The following PTPRQ variants were observed in gnomAD, a reference collection of about 807,000 sequenced individuals.
The protein encoded by PTPRQ is protein tyrosine phosphatase receptor type Q.
In PTPRQ, 199 loss-of-function variants were observed where a neutral mutation model predicts 246.0. That is an observed-to-expected ratio of 0.81 (90% confidence interval 0.72 to 0.91). The LOEUF (loss-of-function observed/expected upper bound fraction) is 0.91, where lower values mean the gene tolerates loss of function less well. Ranked by LOEUF, PTPRQ falls within the 40% of genes least tolerant of loss-of-function variation. The pLI is 0.00. For missense variants in PTPRQ, 2,624 were observed against 2,528.4 expected, an observed-to-expected ratio of 1.04 and a Z score of -0.81; for synonymous variants, 869 against 853.2, an observed-to-expected ratio of 1.02 and a Z score of -0.32.
At chr12:80,648,624 G>A (rs1407707526) in intron 35 of PTPRQ, among the ~76,000 whole-genome samples, 3 of 151,896 alleles carry the variant, frequency 2.0e-5, no homozygotes, top group Non-Finnish European at 2.9e-5. Context: ...TATCCTAAAT[G>A]CCTAACATTT....
chr12:80,521,682 G>A (rs1284973764), intron 17 of PTPRQ, among the ~76,000 whole-genome samples: 2 of 152,116 alleles, frequency 1.3e-5, no homozygotes, highest in African/African-American at 2.4e-5. Flanking sequence ...TAGATATGAG[G>A]CGTTATTTCT....
chr12:80,630,211 AT>A (rs1899372115), intron 33 of PTPRQ, among the ~76,000 whole-genome samples: 2 of 151,908 alleles, frequency 1.3e-5, no homozygotes, highest in African/African-American at 2.4e-5. Flanking sequence ...TTCTTCTATT[AT>A]TTTTTTAAAG....
chr12:80,654,675 C>A (rs1159049887), intron 38 of PTPRQ, among the ~76,000 whole-genome samples: 1 of 148,784 alleles, frequency 6.7e-6, no homozygotes, highest in Non-Finnish European at 1.5e-5. Flanking sequence ...TGGTGAAACC[C>A]CATCTGTACT....
At chr12:80,543,867 G>A (rs912025116) in intron 23 of PTPRQ, among the ~76,000 whole-genome samples, 8 of 152,126 alleles carry the variant, frequency 5.3e-5, no homozygotes, top group Admixed American at 4.6e-4. Context: ...ATGACATGAA[G>A]CCTCTTGCCC....
chr12:80,526,080 A>G (rs755999693), intron 17 of PTPRQ: 3 of 152,148 alleles, frequency 2.0e-5, no homozygotes, highest in South Asian at 2.1e-4. Flanking sequence ...TGGTCAATCA[A>G]TTTTAATTTA....
At chr12:80,628,732 T>G (rs61365702) in intron 33 of PTPRQ, among the ~76,000 whole-genome samples, 7,820 of 152,168 alleles carry the variant, frequency 0.051, 392 homozygotes, top group African/African-American at 0.13. Flanking sequence ...GCTTACATTC[T>G]GGAGGAAAGG....
chr12:80,462,094 G>A (rs1403600946), intron 6 of PTPRQ: 3 of 611,898 alleles, frequency 4.9e-6, no homozygotes, highest in Admixed American at 2.8e-5. Flanking sequence ...AGGGGTCAGG[G>A]AGTTCCCTTT....
chr12:80,620,350 A>G lies in PTPRQ; in HGVS notation c.5586A>G (p.Gly1862=). 1 of 1,549,132 alleles carries G rather than the reference A, an allele frequency of 6.5e-7. No homozygotes were observed. The highest frequency in any genetic ancestry group is 8.7e-7 in the Non-Finnish European group (1 of 1,145,294). ...IPGNEDKICN[G]PLKPKKQYLF... is the part of the protein sequence containing the mutation. ...GCAATGAAGACAAAATTTGCAATGGACCACTGAAACCAAAAAAGCAATACT... is the reference window on the plus strand; with the variant it reads ...GCAATGAAGACAAAATTTGCAATGGGCCACTGAAACCAAAAAAGCAATACT... Residue 1862 remains glycine, a synonymous_variant, in exon 32 of 45, where the codon GGA becomes GGG. Transcript: ENST00000644991.
At chr12:80,535,434 T>C (rs112482941) in intron 19 of PTPRQ, among the ~76,000 whole-genome samples, 9 of 152,188 alleles carry the variant, frequency 5.9e-5, no homozygotes, top group African/African-American at 1.9e-4. Flanking sequence ...GTATATGATA[T>C]AAATAGTTCT....
intron 17 of PTPRQ, among the ~76,000 whole-genome samples, chr12:80,524,516 G>A (rs1335543578): frequency 6.6e-6 from 1 of 152,094 alleles, no homozygotes; most frequent in Non-Finnish European, 1.5e-5. Flanking sequence ...CACAATTTTA[G>A]CATTAATTTA....
chr12:80,462,018 C>G, intron 6 of PTPRQ: 2 of 700,564 alleles, frequency 2.9e-6, no homozygotes, highest in South Asian at 3.0e-5. Flanking sequence ...GGATGCAGGT[C>G]AGTGCGTGCA....
At chr12:80,479,006 G>C (rs1893929811) in intron 8 of PTPRQ, among the ~76,000 whole-genome samples, 2 of 151,838 alleles carry the variant, frequency 1.3e-5, no homozygotes, top group Admixed American at 6.6e-5. Flanking sequence ...CCAACGTTCA[G>C]ATTCAGGAAA....
At chr12:80,503,387 T>C (rs1894861111) in intron 14 of PTPRQ, among the ~76,000 whole-genome samples, 1 of 151,818 alleles carries the variant, frequency 6.6e-6, no homozygotes, top group Non-Finnish European at 1.5e-5. Context: ...CTCTCAAAGT[T>C]TTAAAAGTAT....
chr12:80,652,339 G>T (rs1828167180), intron 37 of PTPRQ, among the ~76,000 whole-genome samples: 1 of 152,050 alleles, frequency 6.6e-6, no homozygotes, highest in African/African-American at 2.4e-5. Context: ...TAATAGGCAT[G>T]AAATCACACT....
chr12:80,523,107 G>A (rs942163904), intron 17 of PTPRQ, among the ~76,000 whole-genome samples: 3 of 151,998 alleles, frequency 2.0e-5, no homozygotes, highest in Non-Finnish European at 2.9e-5. Flanking sequence ...TGTATGTGTC[G>A]AGGAATTTAT....
chr12:80,463,424 T>C (rs1032989714), intron 6 of PTPRQ, among the ~76,000 whole-genome samples: 3 of 152,126 alleles, frequency 2.0e-5, no homozygotes, highest in Non-Finnish European at 4.4e-5. Context: ...GAGAATGGAA[T>C]CAAGTTGGAA....
intron 37 of PTPRQ, among the ~76,000 whole-genome samples, chr12:80,652,191 AATAG>A (rs1032624132): frequency 9.9e-4 from 151 of 152,226 alleles, no homozygotes; most frequent in African/African-American, 3.2e-3. Flanking sequence ...AAATGTCAAT[AATAG>A]ATCTTCTTGA....
At chr12:80,519,104 C>A (rs1396860040) in intron 17 of PTPRQ, among the ~76,000 whole-genome samples, 1 of 151,952 alleles carries the variant, frequency 6.6e-6, no homozygotes, top group African/African-American at 2.4e-5. Flanking sequence ...ATTCTTCCAC[C>A]CCATGACATC....
chr12:80,621,355 T>A (rs1422136359), intron 32 of PTPRQ, among the ~76,000 whole-genome samples: 1 of 151,958 alleles, frequency 6.6e-6, no homozygotes, highest in African/African-American at 2.4e-5. Flanking sequence ...ACTCTTCATA[T>A]AACAAATAAA....
Sources: allele counts gnomAD v4.1 joint callset (sites outside exome capture counted in the v4.1 genomes callset), GRCh38; gene constraint gnomAD v4.1.1; transcripts MANE v1.5; gene names NCBI Gene and HGNC (gene_info 2026-07-23, HGNC 2026-07-21).